The following DST variants were observed in gnomAD, a reference collection of about 807,000 sequenced individuals.
The protein encoded by DST is dystonin.
Under a neutral mutation model 875.2 loss-of-function variants are expected in DST, and 253 were observed. The ratio of observed to expected loss-of-function variants is 0.29; its 90% confidence interval spans 0.26 to 0.32. DST has a LOEUF of 0.32. Among genes scored for constraint, DST ranks in the 10% least tolerant of loss-of-function variants. DST has a pLI of 1.00. For missense variants in DST, 8,287 were observed against 9,111.6 expected, an observed-to-expected ratio of 0.91 and a Z score of 3.68; for synonymous variants, 3,124 against 3,197.1, an observed-to-expected ratio of 0.98 and a Z score of 0.77.
At chr6:56,781,375 G>A (rs540192762) in intron 4 of DST, among the ~76,000 whole-genome samples, 12 of 152,198 alleles carry the variant, frequency 7.9e-5, no homozygotes, top group East Asian at 5.8e-4. Flanking sequence ...TCTTCCATTC[G>A]TTTGTATCCT....
chr6:56,642,148 A>G (rs2098912502), intron 16 of DST, 47 bp from the exon 17 acceptor site: 1 of 1,449,058 alleles, frequency 6.9e-7, no homozygotes, highest in Admixed American at 1.7e-5. Flanking sequence ...ACAAGTTTCA[A>G]AACAACCTGA....
chr6:56,497,607 A>G (rs986927254), intron 81 of DST, 100 bp from the exon 82 acceptor site: 41 of 1,419,646 alleles, frequency 2.9e-5, no homozygotes, highest in Non-Finnish European at 3.6e-5. Context: ...CTCTCTATGC[A>G]TTCTTAAGAA....
intron 4 of DST, among the ~76,000 whole-genome samples, chr6:56,762,145 T>G (rs548332640): frequency 4.5e-4 from 68 of 152,234 alleles, no homozygotes; most frequent in African/African-American, 1.6e-3. Context: ...TTCAGCCTCC[T>G]GAGTAGCTGG....
intron 36 of DST, chr6:56,615,252 CG>C: frequency 9.4e-7 from 1 of 1,060,210 alleles, no homozygotes; most frequent in Non-Finnish European, 1.2e-6. Context: ...CCACATTCTA[CG>C]TAAAAAAAAA....
In DST at chr6:56,569,843, A is replaced by G. The variant is rs1345561275; in HGVS notation, c.13878+13T>C. ...CACAAATGGAAATTTAGTATTAGATAACAATGATTCACCTTAGTGTCTTCC... is the reference window on the plus strand; with the variant it reads ...CACAAATGGAAATTTAGTATTAGATGACAATGATTCACCTTAGTGTCTTCC... On this transcript the variant is annotated intron_variant, in intron 54 of 103. Transcript: ENST00000680361. 3.7e-6 allele frequency: 6 copies of G among 1,600,804 alleles called. No individual in the cohort carries two copies. Among genetic ancestry groups the G allele is most frequent in the Admixed American group, 1.7e-5 (1 of 57,518 alleles).
chr6:56,533,662 G>A (rs1048823651), intron 63 of DST, among the ~76,000 whole-genome samples: 2 of 152,152 alleles, frequency 1.3e-5, no homozygotes, highest in African/African-American at 4.8e-5. Flanking sequence ...CAATTAATAG[G>A]TTTTGTTGGC....
rs889346791 is a variant in DST, at chr6:56,685,414, C to T, written c.1047+14239G>A. Reference sequence around the variant, plus strand: ...CATATGAAAAAATGCTCAATATCACCGATCATTAAAGAGATGTAAATCAGA... The same window carrying T: ...CATATGAAAAAATGCTCAATATCACTGATCATTAAAGAGATGTAAATCAGA... On this transcript the variant is annotated intron_variant, in intron 9 of 103. Coordinates refer to ENST00000680361, the MANE Select transcript of DST (RefSeq NM_001374736.1). Among the ~76,000 whole-genome samples, 11 of 152,074 alleles carry T rather than the reference C, an allele frequency of 7.2e-5. No homozygotes were observed. In the South Asian group the frequency reaches 8.3e-4, roughly 11 times the overall value.
chr6:56,640,228 G>C lies in DST; in HGVS notation c.2405C>G (p.Ser802Cys), dbSNP rs762960871. The change falls in exon 18 of 104, where the codon TCT (serine) becomes TGT (cysteine). Residue 802 changes from serine (S) to cysteine (C), a missense_variant. Ser to Cys is a moderately radical substitution (Grantham distance 112). This residue lies in a region of DST where 1,160 missense variants were observed against 1,424.3 expected (regional missense o/e 0.81). Coordinates refer to ENST00000680361, the MANE Select transcript of DST (RefSeq NM_001374736.1). ...LMQIRKPLLK[S>C]SLLDQNLTEE... ...TGTTAAATTTTGATCCAGCAAAGAA[G>C]ACTTTAGAAGGGGTTTTCGGATCTG... The C allele has an allele frequency of 6.2e-7, 1 of 1,614,158 alleles. No homozygotes were observed. Among genetic ancestry groups the C allele is most frequent in the Non-Finnish European group, 8.5e-7 (1 of 1,180,024 alleles).
chr6:56,865,941 A>G (rs1236455493), intron 3 of DST, among the ~76,000 whole-genome samples: 1 of 152,136 alleles, frequency 6.6e-6, no homozygotes, highest in African/African-American at 2.4e-5. Context: ...TAAAGTACAT[A>G]TAGGCATTCA....
rs1288911719 is a variant in DST, at chr6:56,605,097, C to T, written c.9531G>A (p.Glu3177=). ...GTTTTAAGTAAGTAAACAGATCAAG[C>T]TCTTTCTCAGGTCCATCAGTGAATG... ...EESFTDGPEK[E]LDLFTYLKHC... Residue 3177 remains glutamate, a synonymous_variant, in exon 40 of 104, where the codon GAG becomes GAA. Coordinates refer to ENST00000680361, the MANE Select transcript of DST (RefSeq NM_001374736.1). 6.2e-7 allele frequency: 1 copy of T among 1,612,728 alleles called. No individual in the cohort carries two copies. The highest frequency in any genetic ancestry group is 1.1e-5 in the South Asian group (1 of 91,018).
At position 56,607,855 on chromosome 6, in the gene DST, C is replaced by G. The variant is rs765073265; in HGVS notation, c.6773G>C (p.Gly2258Ala). Reference protein sequence around the residue: ...KECLDVLSSSGVFLNNASGRE... With the variant: ...KECLDVLSSSAVFLNNASGRE... ...ACCTGAAGCATTATTAAGAAATACA[C>G]CAGATGAGCTTAAGACATCGAGACA... The change falls in exon 40 of 104, where the codon GGT becomes GCT. Residue 2258 changes from glycine (G) to alanine (A), a missense_variant. Coordinates refer to ENST00000680361, the MANE Select transcript of DST (RefSeq NM_001374736.1). 5 of 1,613,602 alleles carry G rather than the reference C, an allele frequency of 3.1e-6. No individual in the cohort carries two copies. Among genetic ancestry groups the G allele is most frequent in the Admixed American group, 1.7e-5 (1 of 59,970 alleles).
intron 5 of DST, among the ~76,000 whole-genome samples, chr6:56,732,803 C>T (rs1287824783): frequency 6.6e-6 from 1 of 152,280 alleles, no homozygotes; most frequent in South Asian, 2.1e-4. Context: ...CAAGGGGAAC[C>T]TGCTGGGATC....
At chr6:56,673,700 T>C (rs1372375015) in intron 9 of DST, among the ~76,000 whole-genome samples, 2 of 152,234 alleles carry the variant, frequency 1.3e-5, no homozygotes, top group Admixed American at 6.5e-5. Flanking sequence ...ATACACACAC[T>C]ATTAAAAAGC....
intron 4 of DST, among the ~76,000 whole-genome samples, chr6:56,788,055 G>A (rs1403163780): frequency 6.8e-6 from 1 of 147,318 alleles, no homozygotes; most frequent in Non-Finnish European, 1.5e-5. Flanking sequence ...CTTGAACCTG[G>A]GAGGGGGAGG....
In DST at chr6:56,592,330, T is replaced by C. The variant is rs1585954496; in HGVS notation, c.12755A>G (p.Asp4252Gly). ...ATAGTGTTGATATTTATCCACCAGA[T>C]CTTTAAGATTATTTCCAAGAACATT... ...KCNVLGNNLK[D>G]LVDKYQHYED... Residue 4252 changes from aspartate to glycine, a missense_variant, in exon 49 of 104, where the codon GAT becomes GGT. By Grantham distance (94) the Asp-to-Gly change is moderately conservative (BLOSUM62 -1). Coordinates refer to ENST00000680361, the MANE Select transcript of DST (RefSeq NM_001374736.1). The C allele has an allele frequency of 2.5e-6, 4 of 1,601,270 alleles. No individual in the cohort carries two copies. Among genetic ancestry groups the C allele is most frequent in the Non-Finnish European group, 2.6e-6 (3 of 1,172,944 alleles).
chr6:56,843,195 A>G, intron 4 of DST: 2 of 1,499,046 alleles, frequency 1.3e-6, no homozygotes, highest in South Asian at 1.4e-5. Context: ...TCCCCCTCGT[A>G]ACCCCCGGAC....
intron 9 of DST, among the ~76,000 whole-genome samples, chr6:56,683,005 T>A (rs1476438839): frequency 6.6e-6 from 1 of 152,226 alleles, no homozygotes; most frequent in Non-Finnish European, 1.5e-5. Context: ...CAACTGTTAG[T>A]TTCTCATGCC....
intron 2 of DST, among the ~76,000 whole-genome samples, chr6:56,952,064 G>C (rs1822646261): frequency 6.6e-6 from 1 of 151,990 alleles, no homozygotes; most frequent in Non-Finnish European, 1.5e-5. Flanking sequence ...CCCTAAACAA[G>C]AAAGATATGG....
At chr6:56,864,916 G>A (rs1052410010) in intron 3 of DST, among the ~76,000 whole-genome samples, 1 of 152,002 alleles carries the variant, frequency 6.6e-6, no homozygotes, top group Admixed American at 6.6e-5. Context: ...CATTCTTTTG[G>A]TTTAAAGCTT....
Sources: gnomAD v4.1 joint callset for allele counts (sites outside exome capture counted in the v4.1 genomes callset) on GRCh38, gnomAD v4.1.1 for gene constraint, gnomAD v4.1.1 regional missense constraint, MANE v1.5 for transcripts, NCBI Gene and HGNC (gene_info 2026-07-23, HGNC 2026-07-21) for gene names.